B3GALT1: variants seen among roughly 807,000 people sequenced by gnomAD.
B3GALT1 encodes beta-1,3-galactosyltransferase 1.
Under a neutral mutation model 23.2 loss-of-function variants are expected in B3GALT1, and 10 were observed. The ratio of observed to expected loss-of-function variants is 0.43; its 90% CI spans 0.27 to 0.73. The LOEUF is 0.73. Ranked by LOEUF, B3GALT1 falls within the 30% of genes least tolerant of loss-of-function variation. The pLI is 0.21. For synonymous variants in B3GALT1, 156 were observed against 141.5 expected, an observed-to-expected ratio of 1.10 and a Z score of -0.73; for missense variants, 299 against 405.4, an observed-to-expected ratio of 0.74 and a Z score of 2.25.
intron 3 of B3GALT1, among the ~76,000 whole-genome samples, chr2:167,697,601 A>G (rs1407038351): frequency 1.3e-5 from 2 of 152,212 alleles, no homozygotes; most frequent in African/African-American, 4.8e-5. Context: ...ATTTACAATT[A>G]AAATTAAGAC....
chr2:167,751,999 A>G (rs1687746120), intron 3 of B3GALT1, among the ~76,000 whole-genome samples: 1 of 152,208 alleles, frequency 6.6e-6, no homozygotes, highest in African/African-American at 2.4e-5. Flanking sequence ...TTATACCTCC[A>G]CAGGAAAATC....
intron 1 of B3GALT1, among the ~76,000 whole-genome samples, chr2:167,299,998 G>T (rs1402012294): frequency 6.6e-6 from 1 of 152,060 alleles, no homozygotes; most frequent in Non-Finnish European, 1.5e-5. Context: ...TTCCTCCCGG[G>T]TTCAAGCAAT....
At chr2:167,824,917 TAGAG>T (rs1218532859) in intron 4 of B3GALT1, among the ~76,000 whole-genome samples, 2 of 152,106 alleles carry the variant, frequency 1.3e-5, no homozygotes, top group African/African-American at 4.8e-5. Flanking sequence ...TGGAGATCCA[TAGAG>T]AGAGATCTCT....
At chr2:167,762,879 A>T (rs1254572652) in intron 3 of B3GALT1, among the ~76,000 whole-genome samples, 2 of 152,220 alleles carry the variant, frequency 1.3e-5, no homozygotes, top group Non-Finnish European at 2.9e-5. Context: ...TTCTTCTGTA[A>T]AAACTGATCT....
intron 2 of B3GALT1, among the ~76,000 whole-genome samples, chr2:167,645,214 A>G (rs1685728291): frequency 6.6e-6 from 1 of 152,098 alleles, no homozygotes; most frequent in Non-Finnish European, 1.5e-5. Flanking sequence ...TGACCACCAA[A>G]TGCTGCCCAA....
intron 4 of B3GALT1, among the ~76,000 whole-genome samples, chr2:167,836,951 A>G (rs1689493679): frequency 6.6e-6 from 1 of 152,166 alleles, no homozygotes; most frequent in African/African-American, 2.4e-5. Context: ...AAGGAGAAAT[A>G]AAATACTTTA....
At chr2:167,665,461 G>A (rs1400474042) in intron 3 of B3GALT1, among the ~76,000 whole-genome samples, 5 of 150,562 alleles carry the variant, frequency 3.3e-5, no homozygotes, top group African/African-American at 1.2e-4. Context: ...TTGGTATCAG[G>A]ATGATGCTGG....
rs564656203 is a variant in B3GALT1 at position 167,681,763 on chromosome 2, TAAG to T, written c.-352+34803_-352+34805del. On this transcript the variant is annotated intron_variant, in intron 3 of 4. Coordinates refer to ENST00000392690, the MANE Select transcript of B3GALT1 (RefSeq NM_020981.4). Reference sequence around the variant, plus strand: ...TTATGTGCAAGTCACTGTAGCAACATAAGAAGAATGTGGATCCTACAGCCAAGA... The same window carrying T: ...TTATGTGCAAGTCACTGTAGCAACATAAGAATGTGGATCCTACAGCCAAGA... Among the ~76,000 whole-genome samples the T allele has an allele frequency of 1.1e-4, 17 of 152,272 alleles. No homozygotes were observed. In the South Asian group the frequency reaches 3.3e-3, roughly 30 times the overall value.
At chr2:167,479,149 T>A (rs1447388558) in intron 1 of B3GALT1, among the ~76,000 whole-genome samples, 1 of 152,112 alleles carries the variant, frequency 6.6e-6, no homozygotes, top group Non-Finnish European at 1.5e-5. Context: ...AGTAGATCAC[T>A]TCACCTTTAT....
intron 4 of B3GALT1, among the ~76,000 whole-genome samples, chr2:167,854,541 T>A (rs1189907868): frequency 6.6e-6 from 1 of 152,172 alleles, no homozygotes; most frequent in Admixed American, 6.6e-5. Context: ...CCAGGGACCT[T>A]TGTCACTCCA....
chr2:167,723,059 C>T (rs1005057019), intron 3 of B3GALT1, among the ~76,000 whole-genome samples: 12 of 152,226 alleles, frequency 7.9e-5, no homozygotes, highest in Non-Finnish European at 1.8e-4. Flanking sequence ...TAAAATACCA[C>T]TTAATATCAC....
At chr2:167,838,743 A>C (rs181521404) in intron 4 of B3GALT1, among the ~76,000 whole-genome samples, 2,605 of 152,350 alleles carry the variant, frequency 0.017, 38 homozygotes, top group African/African-American at 0.059. Flanking sequence ...ATTTTAGACC[A>C]ATATCCTTGA....
intron 2 of B3GALT1, among the ~76,000 whole-genome samples, chr2:167,598,896 ATTCTATTATCT>A (rs1173064567): frequency 2.6e-5 from 4 of 152,222 alleles, no homozygotes; most frequent in Non-Finnish European, 5.9e-5. Context: ...AGAAAAGGAC[ATTCTATTATCT>A]TTCTTTACTA....
chr2:167,329,300 A>G (rs748234948), intron 1 of B3GALT1, among the ~76,000 whole-genome samples: 1 of 152,162 alleles, frequency 6.6e-6, no homozygotes, highest in African/African-American at 2.4e-5. Context: ...ATATCCATGT[A>G]TTTGTATAGT....
chr2:167,622,923 A>G (rs1685283741), intron 2 of B3GALT1, among the ~76,000 whole-genome samples: 1 of 152,078 alleles, frequency 6.6e-6, no homozygotes, highest in Non-Finnish European at 1.5e-5. Context: ...GTGAACTGTA[A>G]TCGTGGACTC....
intron 1 of B3GALT1, among the ~76,000 whole-genome samples, chr2:167,395,102 A>G (rs568211097): frequency 6.6e-6 from 1 of 152,228 alleles, no homozygotes; most frequent in East Asian, 1.9e-4. Flanking sequence ...TGATGCTGTG[A>G]TGGGTTGAGA....
chr2:167,531,162 G>A (rs1317365771), intron 2 of B3GALT1, among the ~76,000 whole-genome samples: 1 of 152,114 alleles, frequency 6.6e-6, no homozygotes, highest in East Asian at 1.9e-4. Flanking sequence ...TTAATCCCAA[G>A]GTCTTGAATG....
In B3GALT1 at chr2:167,563,417, C is replaced by T. The variant is rs1472441891; in HGVS notation, c.-410+73140C>T. On this transcript the variant is annotated intron_variant, in intron 2 of 4. Transcript: ENST00000392690. ...GGCTGGCCGGGCGGGGGGCTGACCC[C>T]TCCACCTCCCTCCCGGACAGGGGCG... 1.2e-3 allele frequency among the ~76,000 whole-genome samples: 150 copies of T among 129,468 alleles called. 1 individual carries two copies. The highest frequency in any genetic ancestry group is 4.0e-3 in the African/African-American group (134 of 33,340). 84.9% of individuals were successfully genotyped at this position (129,468 alleles called of 152,430 possible).
chr2:167,405,761 T>C (rs1698264526), intron 1 of B3GALT1, among the ~76,000 whole-genome samples: 1 of 152,158 alleles, frequency 6.6e-6, no homozygotes, highest in Non-Finnish European at 1.5e-5. Context: ...TCTTAAAACT[T>C]ACTTTGCTTT....
Sources: allele counts gnomAD v4.1 joint callset (sites outside exome capture counted in the v4.1 genomes callset), GRCh38; gene constraint gnomAD v4.1.1; transcripts MANE v1.5; gene names NCBI Gene and HGNC (gene_info 2026-07-23, HGNC 2026-07-21).